The following ITGA1 variants were observed in gnomAD, a reference collection of about 807,000 sequenced individuals.
ITGA1 encodes integrin subunit alpha 1.
A neutral mutation model predicts 145.9 loss-of-function variants in ITGA1; 85 were observed. That is an observed-to-expected ratio of 0.58 (90% CI 0.49 to 0.70). The LOEUF is 0.70. Ranked by LOEUF, ITGA1 falls within the 30% of genes least tolerant of loss-of-function variation. The pLI is 0.00. For synonymous variants in ITGA1, 520 were observed against 495.3 expected, an observed-to-expected ratio of 1.05 and a Z score of -0.66; for missense variants, 1,351 against 1,418.7, an observed-to-expected ratio of 0.95 and a Z score of 0.77.
intron 1 of ITGA1, among the ~76,000 whole-genome samples, chr5:52,839,740 A>G (rs1438436505): frequency 6.6e-6 from 1 of 152,232 alleles, no homozygotes; most frequent in Non-Finnish European, 1.5e-5. Context: ...TCAGGAAAGC[A>G]GAAATAGTAT....
chr5:52,881,476 T>C (rs1457315765), intron 6 of ITGA1, among the ~76,000 whole-genome samples: 2 of 152,148 alleles, frequency 1.3e-5, no homozygotes, highest in African/African-American at 2.4e-5. Flanking sequence ...TCCCATACAG[T>C]CCTTTCCACA....
intron 1 of ITGA1, among the ~76,000 whole-genome samples, chr5:52,816,689 G>C (rs1215561881): frequency 6.6e-6 from 1 of 152,164 alleles, no homozygotes; most frequent in East Asian, 1.9e-4. Context: ...CAGAGGGTTG[G>C]AGCAGGTCTC....
At chr5:52,872,132 A>T (rs1247444147) in intron 6 of ITGA1, among the ~76,000 whole-genome samples, 1 of 152,102 alleles carries the variant, frequency 6.6e-6, no homozygotes, top group Non-Finnish European at 1.5e-5. Flanking sequence ...ACCAAGCAAA[A>T]TGAAACAGAG....
intron 26 of ITGA1, among the ~76,000 whole-genome samples, chr5:52,941,051 G>A (rs1340261654): frequency 6.6e-6 from 1 of 152,056 alleles, no homozygotes; most frequent in Admixed American, 6.5e-5. Flanking sequence ...CTGTTCCTGT[G>A]GAATTTGCTT....
rs183096572 is a variant in ITGA1 at position 52,912,451 on chromosome 5, C to G, written c.1857+2032C>G. 5.3e-3 allele frequency among the ~76,000 whole-genome samples: 739 copies of G among 139,370 alleles called. 2 individuals carry two copies. Among genetic ancestry groups the G allele is most frequent in the Non-Finnish European group, 8.7e-3 (563 of 64,408 alleles). The allele number at this position is 139,370 out of a possible 152,430, so 91.4% of individuals were successfully genotyped here. A position where few individuals can be genotyped will look rare whatever the true frequency, so the allele number is the denominator to read the frequency against. Reference sequence around the variant, plus strand: ...ATAGGTATTATATATAGTGTATCCACTATAGGTATTATATATAGTGTATCC... The same window carrying G: ...ATAGGTATTATATATAGTGTATCCAGTATAGGTATTATATATAGTGTATCC... On this transcript the variant is annotated intron_variant, in intron 14 of 28. Transcript: ENST00000282588.
chr5:52,814,408 G>A (rs1748733264), intron 1 of ITGA1, among the ~76,000 whole-genome samples: 1 of 152,132 alleles, frequency 6.6e-6, no homozygotes, highest in African/African-American at 2.4e-5. Context: ...AAAGTGCTGG[G>A]ATTACAGGTG....
chr5:52,902,895 T>G (rs926779301), intron 11 of ITGA1: 3 of 152,088 alleles, frequency 2.0e-5, no homozygotes, highest in Non-Finnish European at 4.4e-5. Flanking sequence ...ATCTTATTCT[T>G]TTCTTTTTCA....
chr5:52,793,730 T>C (rs1748286395), intron 1 of ITGA1, among the ~76,000 whole-genome samples: 1 of 152,040 alleles, frequency 6.6e-6, no homozygotes, highest in Non-Finnish European at 1.5e-5. Flanking sequence ...GCCAAGTTTA[T>C]ATCTGATTTA....
chr5:52,821,025 T>C (rs1748871432), intron 1 of ITGA1, among the ~76,000 whole-genome samples: 1 of 152,228 alleles, frequency 6.6e-6, no homozygotes, highest in African/African-American at 2.4e-5. Flanking sequence ...TGTGTGTGTG[T>C]ATGTGCATGT....
chr5:52,920,680 C>G (rs765333657), intron 17 of ITGA1, among the ~76,000 whole-genome samples: 9 of 152,212 alleles, frequency 5.9e-5, no homozygotes, highest in Non-Finnish European at 1.2e-4. Context: ...TCTTCCCTGT[C>G]TGCATTATCA....
Position 52,933,929 on chromosome 5 carries a change from A to C in ITGA1, c.2897A>C (p.Asn966Thr). The change falls in exon 23 of 29, where the codon AAT becomes ACT. Residue 966 changes from asparagine to threonine, a missense_variant. Transcript: ENST00000282588. ...ASEYHISIAA[N>T]ETVPEVINST... ...GAATACCACATTTCAATTGCTGCCA[A>C]TGAGACAGTCCCTGAAGTTATTAAT... 2.6e-6 allele frequency: 4 copies of C among 1,538,858 alleles called. No homozygotes were observed. Among genetic ancestry groups the C allele is most frequent in the Non-Finnish European group, 3.5e-6 (4 of 1,138,770 alleles).
intron 6 of ITGA1, among the ~76,000 whole-genome samples, chr5:52,873,910 G>C (rs1474985329): frequency 6.6e-6 from 1 of 151,942 alleles, no homozygotes; most frequent in East Asian, 1.9e-4. Flanking sequence ...TTTGGGTGCT[G>C]GTGTAACCCT....
intron 1 of ITGA1, among the ~76,000 whole-genome samples, chr5:52,835,711 T>G (rs1441081666): frequency 6.6e-6 from 1 of 152,158 alleles, no homozygotes; most frequent in East Asian, 1.9e-4. Flanking sequence ...GTTATTAGAT[T>G]CCATTGATGT....
intron 6 of ITGA1, among the ~76,000 whole-genome samples, chr5:52,880,120 A>G (rs1302523314): frequency 6.6e-6 from 1 of 152,116 alleles, no homozygotes; most frequent in Non-Finnish European, 1.5e-5. Context: ...AGAATGGAGG[A>G]TTTTAGATAG....
At chr5:52,834,623 G>C (rs2111728108) in intron 1 of ITGA1, among the ~76,000 whole-genome samples, 1 of 128,538 alleles carries the variant, frequency 7.8e-6, no homozygotes, top group Admixed American at 7.9e-5. Flanking sequence ...AAGAAAGAAA[G>C]GGAGAGAAAG....
chr5:52,799,671 T>C (rs1344238875), intron 1 of ITGA1, among the ~76,000 whole-genome samples: 2 of 152,194 alleles, frequency 1.3e-5, no homozygotes, highest in African/African-American at 2.4e-5. Context: ...CGCTTCTAAA[T>C]ACCAGCTCCA....
intron 26 of ITGA1, 93 bp from the exon 27 acceptor site, chr5:52,944,850 A>C (rs1031399570): frequency 2.4e-6 from 2 of 840,604 alleles, no homozygotes; most frequent in African/African-American, 3.5e-5. Context: ...CTCTCAGAAA[A>C]ATCTTAGCTT....
At chr5:52,829,454 A>G (rs954630843) in intron 1 of ITGA1, among the ~76,000 whole-genome samples, 3 of 152,152 alleles carry the variant, frequency 2.0e-5, no homozygotes, top group African/African-American at 4.8e-5. Flanking sequence ...CTGAGTCAAA[A>G]TATCTGTAGG....
intron 6 of ITGA1, among the ~76,000 whole-genome samples, chr5:52,880,614 T>C (rs1749942069): frequency 6.6e-6 from 1 of 152,176 alleles, no homozygotes; most frequent in Non-Finnish European, 1.5e-5. Flanking sequence ...TACTTAAGAA[T>C]AAGGTTAGAC....
Sources: gnomAD v4.1 joint callset for allele counts (sites outside exome capture counted in the v4.1 genomes callset) on GRCh38, gnomAD v4.1.1 for gene constraint, MANE v1.5 for transcripts, NCBI Gene and HGNC (gene_info 2026-07-23, HGNC 2026-07-21) for gene names.